NAGA: variants seen among roughly 807,000 people sequenced by gnomAD.
NAGA encodes alpha-N-acetylgalactosaminidase, also known as Acetylgalactosaminidase, alpha-N- (alpha-galactosidase B).
NAGA carries 42 observed loss-of-function variants against 45.6 expected under a neutral mutation model. The ratio of observed to expected loss-of-function variants is 0.92; its 90% CI spans 0.72 to 1.19. The LOEUF (loss-of-function observed/expected upper bound fraction) is 1.19, where lower values mean the gene tolerates loss of function less well. Among genes scored for constraint, NAGA ranks in the 50% most tolerant of loss-of-function variants. The pLI, the probability that NAGA is intolerant of heterozygous loss-of-function variation, is 0.00. For synonymous variants in NAGA, 176 were observed against 203.1 expected, an observed-to-expected ratio of 0.87 and a Z score of 1.13; for missense variants, 493 against 544.8, an observed-to-expected ratio of 0.90 and a Z score of 0.95.
rs575277960 is a variant in NAGA at position 42,061,515 on chromosome 22, C to G, written c.958-448G>C. ...GGAGCTGGATGTGAACTCCCATCCTCCAGAAGGTTTTCCAGGCCCAGCTCC... is the reference window on the plus strand; with the variant it reads ...GGAGCTGGATGTGAACTCCCATCCTGCAGAAGGTTTTCCAGGCCCAGCTCC... On this transcript the variant is annotated intron_variant, in intron 7 of 8. Transcript: ENST00000396398. 2.1e-4 allele frequency among the ~76,000 whole-genome samples: 32 copies of G among 152,336 alleles called. 1 individual carries two copies. The South Asian group carries it at 6.4e-3, about 31-fold the overall frequency.
chr22:42,061,972 G>T (rs1277009936), intron 7 of NAGA, among the ~76,000 whole-genome samples: 2 of 111,060 alleles, frequency 1.8e-5, no homozygotes, highest in Admixed American at 9.0e-5. Flanking sequence ...AAAAAAAAAA[G>T]GCTTTGAGGT....
At chr22:42,064,014 C>T (rs907990558) in intron 6 of NAGA, among the ~76,000 whole-genome samples, 27 of 152,294 alleles carry the variant, frequency 1.8e-4, no homozygotes, top group African/African-American at 6.3e-4. Context: ...CACCACTGCA[C>T]TCCAGCCTGG....
In NAGA at chr22:42,060,296, C is replaced by T. The variant is rs1926286234; in HGVS notation, c.1219G>A (p.Glu407Lys). 1.2e-6 allele frequency: 2 copies of T among 1,613,606 alleles called. No individual in the cohort carries two copies. Among genetic ancestry groups the T allele is most frequent in the African/African-American group, 1.3e-5 (1 of 74,972 alleles). Residue 407 changes from glutamate to lysine, a missense_variant, in exon 9 of 9, where the codon GAG (glutamate) becomes AAG (lysine). Physicochemically the swap from Glu to Lys is moderately conservative, Grantham distance 56. Transcript: ENST00000396398. ...CCAGCTCCTCACTGCTGGGACATCT[C>T]CAGGTTCTTGATGGGATACAGGTAC... ...MWYLYPIKNL[E>K]MSQQ
intron 2 of NAGA, 110 bp from the exon 3 acceptor site, chr22:42,068,046 G>A: frequency 9.4e-7 from 1 of 1,061,874 alleles, no homozygotes; most frequent in Non-Finnish European, 1.5e-6. Context: ...ACCTTGCTGA[G>A]CCCTAAGCCA....
At chr22:42,068,706 G>C (rs1926890028) in intron 1 of NAGA, 132 bp from the exon 2 acceptor site, 1 of 1,284,026 alleles carries the variant, frequency 7.8e-7, no homozygotes, top group Non-Finnish European at 1.1e-6. Context: ...CTGGACTCCT[G>C]GGTTTAGGGT....
rs2146835007 is a variant in NAGA, at chr22:42,061,038, C to T, written c.987G>A (p.Arg329=). The T allele has an allele frequency of 1.2e-6, 2 of 1,614,182 alleles. No individual in the cohort carries two copies. The highest frequency in any genetic ancestry group is 1.7e-6 in the Non-Finnish European group (2 of 1,180,036). Reference sequence around the variant, plus strand: ...AGGCGCTAGCCTTGTTGGACAGAGGCCGCATGTACACTTCGATGAGAGATT... The same window carrying T: ...AGGCGCTAGCCTTGTTGGACAGAGGTCGCATGTACACTTCGATGAGAGATT... ...KEKSLIEVYM[R]PLSNKASALV... Residue 329 remains arginine (R), a synonymous_variant, in exon 8 of 9, where the codon CGG becomes CGA. Transcript: ENST00000396398.
intron 5 of NAGA, 125 bp from the exon 6 acceptor site, chr22:42,066,024 C>G: frequency 1.6e-6 from 2 of 1,273,932 alleles, no homozygotes; most frequent in South Asian, 2.6e-5. Context: ...GAGAACAGGC[C>G]CCACCGGCTT....
intron 8 of NAGA, among the ~76,000 whole-genome samples, chr22:42,060,628 C>T (rs1214188764): frequency 1.3e-5 from 2 of 152,168 alleles, no homozygotes; most frequent in African/African-American, 4.8e-5. Flanking sequence ...AAGCCCCAGC[C>T]CATGGAAAAC....
At chr22:42,063,740 G>T (rs1354344275) in intron 6 of NAGA, among the ~76,000 whole-genome samples, 1 of 152,182 alleles carries the variant, frequency 6.6e-6, no homozygotes, top group African/African-American at 2.4e-5. Flanking sequence ...CGAGTCTGCC[G>T]ACACTCCCAG....
rs527306918 is a variant in NAGA, at chr22:42,067,301, T to C, written c.325-11A>G. ...GCCCAGGGAGTGAACCTGTGGGGGT[T>C]TGAGGACACAGTGGGCTCAAGCAGG... On this transcript the variant is annotated splice_polypyrimidine_tract_variant and intron_variant, in intron 3 of 8. Transcript: ENST00000396398. 1.7e-5 allele frequency: 27 copies of C among 1,613,956 alleles called. No individual in the cohort carries two copies. The highest frequency in any genetic ancestry group is 2.3e-5 in the Non-Finnish European group (27 of 1,179,988).
At chr22:42,063,051 G>C (rs1051264008) in intron 6 of NAGA, 27 bp from the exon 7 acceptor site, 6 of 1,606,164 alleles carry the variant, frequency 3.7e-6, no homozygotes, top group Admixed American at 1.7e-5. Flanking sequence ...GGAGTAGTCA[G>C]CTCTCATCTC....
At chr22:42,066,668 G>GGCACTCA (rs1367686580) in intron 5 of NAGA, 42 bp downstream of exon 5, 1 of 1,539,862 alleles carries the variant, frequency 6.5e-7, no homozygotes, top group African/African-American at 1.4e-5. Flanking sequence ...AAGGAGGCCT[G>GGCACTCA]GGTGTGGGAA....
intron 3 of NAGA, 98 bp from the exon 4 acceptor site, chr22:42,067,388 CACGG>C (rs1569458528): frequency 6.8e-7 from 1 of 1,469,762 alleles, no homozygotes. Context: ...CAGTGGCTCC[CACGG>C]ACCAAAGGAG....
chr22:42,066,680 C>T (rs779331560), intron 5 of NAGA, 30 bp downstream of exon 5: 16 of 1,558,872 alleles, frequency 1.0e-5, no homozygotes, highest in Middle Eastern at 1.8e-4. Context: ...GTGTGGGAAG[C>T]GCCATCAGGC....
chr22:42,065,678 A>G, intron 6 of NAGA, 60 bp downstream of exon 6: 2 of 1,604,792 alleles, frequency 1.2e-6, no homozygotes, highest in Non-Finnish European at 1.7e-6. Context: ...AGCACAGGGC[A>G]GTGGGGAGCA....
rs780877285 is a variant in NAGA, at chr22:42,068,586, G to A, written c.17-12C>T. 2.5e-6 allele frequency: 4 copies of A among 1,613,922 alleles called. No individual in the cohort carries two copies. The East Asian group carries it at 8.9e-5, about 36-fold the overall frequency. On this transcript the variant is annotated splice_polypyrimidine_tract_variant and intron_variant, in intron 1 of 8. Coordinates refer to ENST00000396398, the MANE Select transcript of NAGA (RefSeq NM_000262.3). Reference sequence around the variant, plus strand: ...TCCCAGCAAGAGCACTAGGGGGCAAGGGAGGAGGGGATGGTGACTATCAGT... The same window carrying A: ...TCCCAGCAAGAGCACTAGGGGGCAAAGGAGGAGGGGATGGTGACTATCAGT...
Position 42,061,128 on chromosome 22 carries a change from TC to T in NAGA, c.958-62del, listed in dbSNP as rs902825436. The T allele has an allele frequency of 7.0e-6, 11 of 1,579,028 alleles. No individual in the cohort carries two copies. In the African/African-American group the frequency reaches 1.5e-4, roughly 21 times the overall value. On this transcript the variant is annotated intron_variant, in intron 7 of 8. Coordinates refer to ENST00000396398, the MANE Select transcript of NAGA (RefSeq NM_000262.3). ...TGCTCAGACAGGACCTACCATTGCC[TC>T]CCTGGCCCTCCCTGAGTTCTGGGTC...
Position 42,063,042 on chromosome 22 carries a change from G to A in NAGA, c.760-18C>T, listed in dbSNP as rs748643524. 1.2e-6 allele frequency: 2 copies of A among 1,611,844 alleles called. No homozygotes were observed. Among genetic ancestry groups the A allele is most frequent in the African/African-American group, 1.3e-5 (1 of 74,870 alleles). ...ATGAGCAGCTGGGGGCAGAGAAGAGGAGTAGTCAGCTCTCATCTCCTCAAG... is the reference window on the plus strand; with the variant it reads ...ATGAGCAGCTGGGGGCAGAGAAGAGAAGTAGTCAGCTCTCATCTCCTCAAG... On this transcript the variant is annotated intron_variant, in intron 6 of 8. Coordinates refer to ENST00000396398, the MANE Select transcript of NAGA (RefSeq NM_000262.3).
Position 42,068,432 on chromosome 22 carries a change from T to C in NAGA, c.152+7A>G. On this transcript the variant is annotated splice_region_variant and intron_variant, in intron 2 of 8. Coordinates refer to ENST00000396398, the MANE Select transcript of NAGA (RefSeq NM_000262.3). ...AGGCTCATCAGGTGAGTGTGGACCT[T>C]ACTCACCTTATGCAGTTCTTTGGGT... 6.2e-7 allele frequency: 1 copy of C among 1,614,136 alleles called. No individual in the cohort carries two copies. The highest frequency in any genetic ancestry group is 8.5e-7 in the Non-Finnish European group (1 of 1,180,008).
Sources: allele counts gnomAD v4.1 joint callset (sites outside exome capture counted in the v4.1 genomes callset), GRCh38; gene constraint gnomAD v4.1.1; transcripts MANE v1.5; gene names NCBI Gene and HGNC (gene_info 2026-07-23, HGNC 2026-07-21).